The following RCN2 variants were observed in gnomAD, a reference collection of about 807,000 sequenced individuals.
The protein encoded by RCN2 is reticulocalbin-2.
Under a neutral mutation model 37.5 loss-of-function variants are expected in RCN2, and 23 were observed. The ratio of observed to expected loss-of-function variants is 0.61; its 90% CI spans 0.44 to 0.87. The LOEUF (loss-of-function observed/expected upper bound fraction) is 0.87, where lower values mean the gene tolerates loss of function less well. Among genes scored for constraint, RCN2 ranks in the 40% least tolerant of loss-of-function variants. RCN2 has a pLI of 0.00. For missense variants in RCN2, 381 were observed against 390.4 expected (o/e 0.98, Z 0.20); for synonymous variants, 140 against 144.6 (o/e 0.97, Z 0.23).
intron 5 of RCN2, chr15:76,948,055 G>A (rs776759207): frequency 6.5e-5 from 11 of 169,122 alleles, no homozygotes; most frequent in Admixed American, 1.3e-4. Context: ...ATTACACATG[G>A]CATTACTTTG....
chr15:76,943,566 G>A, intron 3 of RCN2, 192 bp from the exon 4 acceptor site: 1 of 422,152 alleles, frequency 2.4e-6, no homozygotes, highest in Non-Finnish European at 4.3e-6. Context: ...TCAGGTCTGG[G>A]TCTATATGAC....
chr15:76,934,114 C>A (rs1348361229), intron 2 of RCN2, among the ~76,000 whole-genome samples: 1 of 151,796 alleles, frequency 6.6e-6, no homozygotes, highest in South Asian at 2.1e-4. Flanking sequence ...TTTCCTTTAA[C>A]GTAGTTTAGT....
Position 76,943,832 on chromosome 15 carries a change from T to C in RCN2, c.522T>C (p.Phe174=), listed in dbSNP as rs757910578. The C allele has an allele frequency of 1.9e-5, 30 of 1,610,832 alleles. No homozygotes were observed. Among genetic ancestry groups the C allele is most frequent in the Non-Finnish European group, 2.5e-5 (29 of 1,177,470 alleles). Residue 174 remains phenylalanine (F), a synonymous_variant, in exon 4 of 7, where the codon TTT becomes TTC. Transcript: ENST00000394885. ...GTCCCGGTTTGAGTCTTGAAGAATT[T>C]ATTGCTTTTGAGCATCCTGAAGAAG... ...DSGPGLSLEE[F]IAFEHPEEVD...
intron 2 of RCN2, among the ~76,000 whole-genome samples, chr15:76,935,090 C>T (rs1179426536): frequency 3.3e-5 from 5 of 152,152 alleles, no homozygotes; most frequent in East Asian, 1.9e-4. Flanking sequence ...TTTGGGAGGC[C>T]GAGGCAGGTG....
rs573120017 is a variant in RCN2 at position 76,937,374 on chromosome 15, A to G, written c.447+1652A>G. ...TAATTTTTTGAGAAACCACAGTACCATTTTTCATAGTGAGTACACCCTTTA... is the reference window on the plus strand; with the variant it reads ...TAATTTTTTGAGAAACCACAGTACCGTTTTTCATAGTGAGTACACCCTTTA... On this transcript the variant is annotated intron_variant, in intron 3 of 6. Transcript: ENST00000394885. Among the ~76,000 whole-genome samples, 69 of 149,978 alleles carry G rather than the reference A, an allele frequency of 4.6e-4. 1 individual carries two copies. The South Asian group carries it at 6.3e-3, about 14-fold the overall frequency.
At chr15:76,933,288 C>A (rs1200055640) in intron 2 of RCN2, among the ~76,000 whole-genome samples, 1 of 152,212 alleles carries the variant, frequency 6.6e-6, no homozygotes. Flanking sequence ...CTGTAACTCT[C>A]ATTTAAATGC....
At position 76,943,763 on chromosome 15, in the gene RCN2, C is replaced by G. The variant is rs78925049; in HGVS notation, c.453C>G (p.His151Gln). Residue 151 changes from histidine (H) to glutamine (Q), a missense_variant, in exon 4 of 7, where the codon CAC (histidine) becomes CAG (glutamine). Transcript: ENST00000394885. ...DAEEESFRKL[H>Q]LKDKKRFEKA... Reference sequence around the variant, plus strand: ...AGAAATTTTAATTTTCAAAGCTTCACTTAAAGGACAAGAAGCGATTTGAAA... The same window carrying G: ...AGAAATTTTAATTTTCAAAGCTTCAGTTAAAGGACAAGAAGCGATTTGAAA... 1 of 1,584,616 alleles carries G rather than the reference C, an allele frequency of 6.3e-7. No homozygotes were observed.
chr15:76,934,815 A>C (rs1243978569), intron 2 of RCN2, among the ~76,000 whole-genome samples: 1 of 152,202 alleles, frequency 6.6e-6, no homozygotes, highest in Non-Finnish European at 1.5e-5. Context: ...CAAAATATTT[A>C]TGCTTCCTGA....
intron 5 of RCN2, 172 bp from the exon 6 acceptor site, chr15:76,948,238 A>G (rs966660963): frequency 1.2e-5 from 5 of 432,126 alleles, no homozygotes; most frequent in Non-Finnish European, 2.0e-5. Context: ...ACTTTTGAAA[A>G]TGACTATATA....
At chr15:76,941,025 CTTTGTT>C (rs367549176) in intron 3 of RCN2, among the ~76,000 whole-genome samples, 24 of 151,848 alleles carry the variant, frequency 1.6e-4, no homozygotes, top group Middle Eastern at 6.8e-3. Context: ...TTCAAGTGTT[CTTTGTT>C]TTTGTTTTTG....
At chr15:76,932,947 A>G (rs1000020974) in intron 2 of RCN2, among the ~76,000 whole-genome samples, 3 of 152,200 alleles carry the variant, frequency 2.0e-5, no homozygotes, top group Admixed American at 1.3e-4. Flanking sequence ...CCTTGGGATC[A>G]TCTTGTCCAC....
chr15:76,948,510 A>G lies in RCN2; in HGVS notation c.759A>G (p.Leu253=), dbSNP rs1181616248. 6.2e-7 allele frequency: 1 copy of G among 1,607,216 alleles called. No homozygotes were observed. Among genetic ancestry groups the G allele is most frequent in the Non-Finnish European group, 8.5e-7 (1 of 1,176,068 alleles). ...NDGRLDPQEL[L]PWVVPNNQGI... ...GCAGGCTTGATCCCCAAGAGCTGTT[A>G]CCTTGGGTAGTACCTAATAATCAGG... The change falls in exon 6 of 7, where the codon TTA becomes TTG. Residue 253 remains leucine, a synonymous_variant. Coordinates refer to ENST00000394885, the MANE Select transcript of RCN2 (RefSeq NM_002902.3).
chr15:76,941,836 G>T (rs889699708), intron 3 of RCN2: 5 of 447,674 alleles, frequency 1.1e-5, no homozygotes, highest in Admixed American at 7.9e-5. Flanking sequence ...GCCAAATTTA[G>T]CTCTTCTCCT....
chr15:76,933,151 T>C lies in RCN2; in HGVS notation c.250+685T>C, dbSNP rs556826054. Among the ~76,000 whole-genome samples the C allele has an allele frequency of 2.6e-5, 4 of 152,344 alleles. No homozygotes were observed. In the South Asian group the frequency reaches 6.2e-4, roughly 24 times the overall value. The stretch of plus-strand genomic sequence containing the variant: ...AATGCACAGACTATTAAAAGAATGT[T>C]CTAAATAAATTGCTGTGCAGTTGTC... On this transcript the variant is annotated intron_variant, in intron 2 of 6. Transcript: ENST00000394885.
intron 3 of RCN2, chr15:76,943,011 A>C (rs2075281969): frequency 6.6e-6 from 1 of 152,218 alleles, no homozygotes; most frequent in East Asian, 1.9e-4. Flanking sequence ...GATTCTCAAC[A>C]TAAGAAGACT....
In RCN2 at chr15:76,953,162, G is replaced by C. The variant is rs2075329374; in HGVS notation, c.*3940G>C. The C allele has an allele frequency of 1.3e-5, 2 of 151,290 alleles. No homozygotes were observed. Among genetic ancestry groups the C allele is most frequent in the South Asian group, 4.3e-4 (2 of 4,608 alleles). 9.4% of individuals were successfully genotyped at this position (151,290 alleles called of 1,614,324 possible). Reference sequence around the variant, plus strand: ...TTGGCATGGCTGGTCTCGAACTCTTGACCTCAGGTGATCCACCTGCCTCGG... The same window carrying C: ...TTGGCATGGCTGGTCTCGAACTCTTCACCTCAGGTGATCCACCTGCCTCGG... On this transcript the variant is annotated 3_prime_UTR_variant, in exon 7 of 7. Coordinates refer to ENST00000394885, the MANE Select transcript of RCN2 (RefSeq NM_002902.3).
intron 2 of RCN2, among the ~76,000 whole-genome samples, chr15:76,934,159 T>C (rs2075237029): frequency 6.6e-6 from 1 of 152,108 alleles, no homozygotes; most frequent in African/African-American, 2.4e-5. Context: ...GTTTTTTTTT[T>C]TGAGGCAGAG....
At chr15:76,936,931 A>C (rs1311585075) in intron 3 of RCN2, among the ~76,000 whole-genome samples, 1 of 152,120 alleles carries the variant, frequency 6.6e-6, no homozygotes, top group East Asian at 1.9e-4. Context: ...ATTAAACAAT[A>C]ACTCCCCATT....
At chr15:76,934,483 A>G (rs1170374892) in intron 2 of RCN2, among the ~76,000 whole-genome samples, 2 of 152,234 alleles carry the variant, frequency 1.3e-5, no homozygotes, top group Non-Finnish European at 2.9e-5. Context: ...GAACATTTGA[A>G]TTTTAGAAAC....
Sources: allele counts gnomAD v4.1 joint callset (sites outside exome capture counted in the v4.1 genomes callset), GRCh38; gene constraint gnomAD v4.1.1; transcripts MANE v1.5; gene names NCBI Gene and HGNC (gene_info 2026-07-23, HGNC 2026-07-21).